Variants in CUL5 observed in about 807,000 individuals in gnomAD.
The protein encoded by CUL5 is cullin-5.
In CUL5, 26 loss-of-function variants were observed where a neutral mutation model predicts 108.8. The ratio of observed to expected loss-of-function variants is 0.24; its 90% CI spans 0.18 to 0.33. The LOEUF (loss-of-function observed/expected upper bound fraction) is 0.33, where lower values mean the gene tolerates loss of function less well. Ranked by LOEUF, CUL5 falls within the 10% of genes least tolerant of loss-of-function variation. The probability of loss-of-function intolerance (pLI) is 1.00; values close to 1 mark genes in which losing one functional copy is unlikely to be tolerated. For synonymous variants in CUL5, 334 were observed against 298.0 expected, an observed-to-expected ratio of 1.12 and a Z score of -1.25; for missense variants, 524 against 909.2, an observed-to-expected ratio of 0.58 and a Z score of 5.45.
chr11:108,097,171 C>T (rs765125903), intron 16 of CUL5, among the ~76,000 whole-genome samples: 13 of 152,132 alleles, frequency 8.5e-5, no homozygotes, highest in Non-Finnish European at 1.5e-4. Flanking sequence ...GTGCATGCCC[C>T]ACGCTGGCTA....
intron 18 of CUL5, among the ~76,000 whole-genome samples, chr11:108,101,316 C>G (rs1485012444): frequency 6.6e-6 from 1 of 152,136 alleles, no homozygotes; most frequent in African/African-American, 2.4e-5. Flanking sequence ...ATGACAGTGT[C>G]CTGGATTCTT....
At position 108,046,295 on chromosome 11, in the gene CUL5, G is replaced by A; in HGVS notation, c.160G>A (p.Asp54Asn). 3 of 1,612,790 alleles carry A rather than the reference G, an allele frequency of 1.9e-6. No homozygotes were observed. Among genetic ancestry groups the A allele is most frequent in the Non-Finnish European group, 2.5e-6 (3 of 1,179,318 alleles). ...FSDVHAVCLW[D>N]DKGPAKIHQA... ...GGATGTGCATGCAGTCTGTCTTTGG[G>A]ATGATAAAGGCCCAGCAAAAATTCA... The change falls in exon 3 of 19, where the codon GAT (aspartate) becomes AAT (asparagine). Residue 54 changes from aspartate (D) to asparagine (N), a missense_variant. Coordinates refer to ENST00000393094, the MANE Select transcript of CUL5 (RefSeq NM_003478.6).
chr11:108,050,323 C>T (rs894817446), intron 4 of CUL5, among the ~76,000 whole-genome samples: 12 of 151,604 alleles, frequency 7.9e-5, no homozygotes, highest in African/African-American at 1.7e-4. Context: ...TTTACTTTCT[C>T]CTTCTCCTGG....
intron 2 of CUL5, among the ~76,000 whole-genome samples, chr11:108,034,830 T>TA (rs1422098560): frequency 6.6e-6 from 1 of 152,198 alleles, no homozygotes; most frequent in Non-Finnish European, 1.5e-5. Flanking sequence ...TCTTTTTCAC[T>TA]AAAAAACATT....
At chr11:108,014,218 A>C (rs994339388) in intron 1 of CUL5, among the ~76,000 whole-genome samples, 3 of 152,106 alleles carry the variant, frequency 2.0e-5, no homozygotes, top group Non-Finnish European at 4.4e-5. Flanking sequence ...AATAATGGGT[A>C]AGCTTTTTGT....
At chr11:108,042,023 A>T (rs569035728) in intron 2 of CUL5, among the ~76,000 whole-genome samples, 3 of 152,176 alleles carry the variant, frequency 2.0e-5, no homozygotes, top group Non-Finnish European at 4.4e-5. Flanking sequence ...TATCATGGTA[A>T]TGGGAGGGAA....
At chr11:108,099,974 A>C (rs980924547) in intron 18 of CUL5, among the ~76,000 whole-genome samples, 1 of 151,814 alleles carries the variant, frequency 6.6e-6, no homozygotes, top group Admixed American at 6.6e-5. Context: ...GACTACAGGC[A>C]CATGCCACGG....
chr11:108,102,642 C>G (rs1459284255), intron 18 of CUL5, among the ~76,000 whole-genome samples: 1 of 152,080 alleles, frequency 6.6e-6, no homozygotes, highest in Non-Finnish European at 1.5e-5. Flanking sequence ...GTTATCATAT[C>G]TATATAGGGG....
chr11:108,094,368 C>G (rs369374506), intron 13 of CUL5, 23 bp from the exon 14 acceptor site: 1 of 1,539,180 alleles, frequency 6.5e-7, no homozygotes, highest in Non-Finnish European at 8.8e-7. Flanking sequence ...ATTACCTCTT[C>G]CTTCTTTGGT....
intron 13 of CUL5, among the ~76,000 whole-genome samples, chr11:108,093,374 C>T (rs1864404930): frequency 1.3e-5 from 2 of 152,256 alleles, no homozygotes; most frequent in East Asian, 3.9e-4. Flanking sequence ...GGTATCTTAT[C>T]TTTTTTGTCA....
chr11:108,049,587 C>G (rs1207958027), intron 3 of CUL5, among the ~76,000 whole-genome samples: 1 of 152,096 alleles, frequency 6.6e-6, no homozygotes, highest in Non-Finnish European at 1.5e-5. Flanking sequence ...AAGCAATCCT[C>G]CCGCCTCAGC....
At chr11:108,067,851 G>A (rs7104942) in intron 7 of CUL5, among the ~76,000 whole-genome samples, 110,411 of 152,142 alleles carry the variant, frequency 0.73, 40,918 homozygotes, top group East Asian at 0.93. Context: ...TTACTCAGCA[G>A]TTGGGGCAGA....
rs1365775383 is a variant in CUL5 at position 108,107,577 on chromosome 11, CAT to C, written c.*3196_*3197del. 1 of 152,610 alleles carries C rather than the reference CAT, an allele frequency of 6.6e-6. No individual in the cohort carries two copies. Among genetic ancestry groups the C allele is most frequent in the Non-Finnish European group, 1.5e-5 (1 of 68,012 alleles). 9.5% of individuals were successfully genotyped at this position (152,610 alleles called of 1,614,324 possible). A position where few individuals can be genotyped will look rare whatever the true frequency, so the allele number is the denominator to read the frequency against. ...TAGTTTCTAAGTTGTAATCTATCCTCATATGGTCTATACGATTTTGAATGTGT... is the reference window on the plus strand; with the variant it reads ...TAGTTTCTAAGTTGTAATCTATCCTCATGGTCTATACGATTTTGAATGTGT... On this transcript the variant is annotated 3_prime_UTR_variant, in exon 19 of 19. Coordinates refer to ENST00000393094, the MANE Select transcript of CUL5 (RefSeq NM_003478.6).
In CUL5 at chr11:108,054,621, G is replaced by A. The variant is rs372484238; in HGVS notation, c.554-26G>A. On this transcript the variant is annotated intron_variant, in intron 5 of 18. Transcript: ENST00000393094. ...AATACTGATTTTGATCATAATTGGAGTAATACTTTATTTTCTGTTTTTCAG... is the reference window on the plus strand; with the variant it reads ...AATACTGATTTTGATCATAATTGGAATAATACTTTATTTTCTGTTTTTCAG... 1.6e-5 allele frequency: 23 copies of A among 1,453,886 alleles called. No homozygotes were observed. In the African/African-American group the frequency reaches 3.0e-4, roughly 19 times the overall value. The allele number at this position is 1,453,886 out of a possible 1,614,324, so 90.1% of individuals were successfully genotyped here. A position where few individuals can be genotyped will look rare whatever the true frequency, so the allele number is the denominator to read the frequency against.
intron 3 of CUL5, chr11:108,046,575 A>C (rs1244658045): frequency 1.8e-5 from 8 of 433,172 alleles, no homozygotes; most frequent in African/African-American, 1.6e-4. Flanking sequence ...AAGAGAGTAC[A>C]TATTATATTT....
At chr11:108,079,488 T>A (rs1222148023) in intron 11 of CUL5, among the ~76,000 whole-genome samples, 37 of 152,330 alleles carry the variant, frequency 2.4e-4, no homozygotes, top group Non-Finnish European at 1.8e-4. Flanking sequence ...TCTCCTTATA[T>A]ACATTCGTCA....
At position 108,104,493 on chromosome 11, in the gene CUL5, A is replaced by G; in HGVS notation, c.*109A>G. The stretch of plus-strand genomic sequence containing the variant: ...TTATTTGGACTTTGATTACATAAAT[A>G]TTAAAATCTCTGCCTTACCTTACAA... On this transcript the variant is annotated 3_prime_UTR_variant, in exon 19 of 19. Transcript: ENST00000393094. 1.5e-6 allele frequency: 1 copy of G among 679,890 alleles called. No individual in the cohort carries two copies. The highest frequency in any genetic ancestry group is 2.4e-6 in the Non-Finnish European group (1 of 413,824). The allele number at this position is 679,890 out of a possible 1,614,324, so 42.1% of individuals were successfully genotyped here. A position where few individuals can be genotyped will look rare whatever the true frequency, so the allele number is the denominator to read the frequency against.
intron 1 of CUL5, among the ~76,000 whole-genome samples, chr11:108,018,505 A>T (rs1304327514): frequency 7.6e-6 from 1 of 131,016 alleles, no homozygotes; most frequent in Non-Finnish European, 1.5e-5. Flanking sequence ...CATCTCTACT[A>T]AAAAAAAAAA....
intron 16 of CUL5, among the ~76,000 whole-genome samples, chr11:108,095,920 A>G (rs756213320): frequency 1.1e-4 from 17 of 151,494 alleles, no homozygotes; most frequent in Non-Finnish European, 2.4e-4. Context: ...ACATAGTGAA[A>G]CCCCATCTCT....
Sources: allele counts gnomAD v4.1 joint callset (sites outside exome capture counted in the v4.1 genomes callset), GRCh38; gene constraint gnomAD v4.1.1; transcripts MANE v1.5; gene names NCBI Gene and HGNC (gene_info 2026-07-23, HGNC 2026-07-21).